HAVCR1: variants seen among roughly 807,000 people sequenced by gnomAD.
HAVCR1 encodes the protein hepatitis A virus cellular receptor 1, also known as T cell immunoglobin domain and mucin domain protein 1.
A neutral mutation model predicts 32.0 loss-of-function variants in HAVCR1; 34 were observed. The observed-to-expected ratio is 1.06, with a 90% confidence interval of 0.81 to 1.42. HAVCR1 has a LOEUF of 1.42. Ranked by LOEUF, HAVCR1 falls within the 40% of genes most tolerant of loss-of-function variation. The pLI, the probability that HAVCR1 is intolerant of heterozygous loss-of-function variation, is 0.00. For synonymous variants in HAVCR1, 178 were observed against 170.3 expected (o/e 1.05, Z -0.35); for missense variants, 420 against 442.3 (o/e 0.95, Z 0.45).
chr5:157,056,386 T>C (rs1482764928), intron 2 of HAVCR1, among the ~76,000 whole-genome samples: 1 of 23,166 alleles, frequency 4.3e-5, no homozygotes, highest in Non-Finnish European at 1.2e-4. Flanking sequence ...GAATTTCTTC[T>C]TTTTTTTTTT....
chr5:157,065,246 G>A, the HAVCR1 span, among the ~76,000 whole-genome samples: 1,297 of 152,242 alleles, frequency 8.5e-3, 13 homozygotes, highest in African/African-American at 0.028. Flanking sequence ...GTGAACCTGG[G>A]AGGCGGAGCT....
chr5:157,033,837 C>T (rs556820785), intron 7 of HAVCR1, among the ~76,000 whole-genome samples: 67 of 152,260 alleles, frequency 4.4e-4, no homozygotes, highest in African/African-American at 9.1e-4. Context: ...CAGAGGCAGG[C>T]GGTCAGGAGT....
intron 5 of HAVCR1, among the ~76,000 whole-genome samples, chr5:157,047,950 T>C (rs1163769882): frequency 1.3e-5 from 2 of 152,234 alleles, no homozygotes; most frequent in East Asian, 3.9e-4. Context: ...AAGAACTGAA[T>C]TAAAGACACA....
In HAVCR1 at chr5:157,055,219, A is replaced by C; in HGVS notation, c.361T>G (p.Ser121Ala). 1.3e-6 allele frequency: 2 copies of C among 1,550,992 alleles called. No individual in the cohort carries two copies. Among genetic ancestry groups the C allele is most frequent in the Non-Finnish European group, 8.8e-7 (1 of 1,132,508 alleles). The change falls in exon 3 of 9, where the codon TCA becomes GCA. Residue 121 changes from serine to alanine, a missense_variant. By Grantham distance (99) the Ser-to-Ala change is moderately conservative. Coordinates refer to ENST00000523175, the MANE Select transcript of HAVCR1 (RefSeq NM_001173393.3). ...GWFNDMKITVSLEIVPPKVTT... is the reference protein window; with the variant it reads ...GWFNDMKITVALEIVPPKVTT... ...AACTTACGTGGCACAATCTCCAATGATACGGTGATTTTCATGTCATTGAAC... is the reference window on the plus strand; with the variant it reads ...AACTTACGTGGCACAATCTCCAATGCTACGGTGATTTTCATGTCATTGAAC...
the HAVCR1 span, among the ~76,000 whole-genome samples, chr5:157,067,994 A>C: frequency 6.6e-6 from 1 of 151,972 alleles, no homozygotes; most frequent in Non-Finnish European, 1.5e-5. Context: ...ACCCGTTCTC[A>C]AAACAAAACA....
In HAVCR1 at chr5:157,044,676, A is replaced by AGAAAGGGAGGGAG. The variant is rs142603344; in HGVS notation, c.782-1995_782-1994insCTCCCTCCCTTTC. ...AAGAAAGAAAGAAAGAAAGAAAGAA[A>AGAAAGGGAGGGAG]GGAGGGAGGGAGGAAGGAAGGAAGG... is the stretch of plus-strand genomic sequence containing the variant. On this transcript the variant is annotated intron_variant, in intron 5 of 8. Coordinates refer to ENST00000523175, the MANE Select transcript of HAVCR1 (RefSeq NM_001173393.3). Among the ~76,000 whole-genome samples, 2 of 109,454 alleles carry AGAAAGGGAGGGAG rather than the reference A, an allele frequency of 1.8e-5. 1 individual carries two copies. Among genetic ancestry groups the AGAAAGGGAGGGAG allele is most frequent in the East Asian group, 7.0e-4 (2 of 2,842 alleles). The allele number at this position is 109,454 out of a possible 152,430, so 71.8% of individuals were successfully genotyped here. A position where few individuals can be genotyped will look rare whatever the true frequency, so the allele number is the denominator to read the frequency against.
At chr5:157,046,384 A>G (rs1158430057) in intron 5 of HAVCR1, among the ~76,000 whole-genome samples, 1 of 152,222 alleles carries the variant, frequency 6.6e-6, no homozygotes, top group Non-Finnish European at 1.5e-5. Flanking sequence ...GGGAAAGATG[A>G]CAGGTTTCAG....
At chr5:157,033,329 G>C (rs1330300289) in intron 7 of HAVCR1, among the ~76,000 whole-genome samples, 2 of 152,002 alleles carry the variant, frequency 1.3e-5, no homozygotes, top group African/African-American at 4.8e-5. Flanking sequence ...TCCTAAACAA[G>C]GAAATAATGA....
the HAVCR1 span, among the ~76,000 whole-genome samples, chr5:157,064,815 C>G: frequency 6.6e-6 from 1 of 152,002 alleles, no homozygotes; most frequent in African/African-American, 2.4e-5. Flanking sequence ...TTGGAGTGAG[C>G]CAAGATCGTG....
chr5:157,041,000 G>T (rs886937338), intron 6 of HAVCR1, among the ~76,000 whole-genome samples: 1 of 152,094 alleles, frequency 6.6e-6, no homozygotes, highest in Non-Finnish European at 1.5e-5. Flanking sequence ...AAAGTTACTT[G>T]CACATACTAA....
chr5:157,034,057 G>T (rs1401945005), intron 7 of HAVCR1, among the ~76,000 whole-genome samples: 2 of 152,172 alleles, frequency 1.3e-5, no homozygotes, highest in Non-Finnish European at 2.9e-5. Context: ...TGGGACAAGA[G>T]ACTGAGAAAA....
intron 7 of HAVCR1, among the ~76,000 whole-genome samples, chr5:157,034,446 G>GT (rs1200858263): frequency 1.3e-5 from 2 of 151,788 alleles, no homozygotes; most frequent in African/African-American, 4.8e-5. Flanking sequence ...TAAATAGAAT[G>GT]TATGATCGGG....
chr5:157,044,058 A>G (rs6878069), intron 5 of HAVCR1, among the ~76,000 whole-genome samples: 75,225 of 151,946 alleles, frequency 0.5, 18,883 homozygotes, highest in Middle Eastern at 0.67. Flanking sequence ...AAGGCCAGGC[A>G]CAGTGGCTCA....
In HAVCR1 at chr5:157,052,415, T is replaced by C. The variant is rs12522248; in HGVS notation, c.619A>G (p.Thr207Ala). The change falls in exon 4 of 9, where the codon ACT (threonine) becomes GCT (alanine). Residue 207 changes from threonine to alanine, a missense_variant. By Grantham distance (58) the Thr-to-Ala change is moderately conservative (BLOSUM62 0). Transcript: ENST00000523175. Reference sequence around the variant, plus strand: ...ATTGGAGGAACAAAGGTAGAGACAGTTGTTGTCACTGGAACACTTGTTGTT... The same window carrying C: ...ATTGGAGGAACAAAGGTAGAGACAGCTGTTGTCACTGGAACACTTGTTGTT... ...PTTTSVPVTT[T>A]VSTFVPPMPL... 454,210 of 1,610,364 alleles carry C rather than the reference T, an allele frequency of 0.28. 66,117 individuals carry two copies. Among genetic ancestry groups the C allele is most frequent in the Admixed American group, 0.4 (24,137 of 59,728 alleles).
At chr5:157,044,421 G>GA (rs1554090350) in intron 5 of HAVCR1, among the ~76,000 whole-genome samples, 10 of 33,764 alleles carry the variant, frequency 3.0e-4, no homozygotes, top group Admixed American at 8.6e-4. Flanking sequence ...AGGAAGGAAG[G>GA]AGAAAGAAAG....
chr5:157,048,408 G>A (rs1755534790), intron 5 of HAVCR1, among the ~76,000 whole-genome samples: 1 of 152,174 alleles, frequency 6.6e-6, no homozygotes, highest in Non-Finnish European at 1.5e-5. Context: ...GATTCTTGAT[G>A]TTCTAAGGAA....
intron 5 of HAVCR1, among the ~76,000 whole-genome samples, chr5:157,044,615 G>A (rs62382454): frequency 0.019 from 995 of 52,422 alleles, 56 homozygotes; most frequent in East Asian, 0.043. Flanking sequence ...AAGAAAGAAA[G>A]AGAAAGAAAG....
chr5:157,068,643 CT>C, the HAVCR1 span, among the ~76,000 whole-genome samples: 47 of 129,758 alleles, frequency 3.6e-4, no homozygotes, highest in East Asian at 0.011. Context: ...TTTATATGGG[CT>C]TTTTTTTTAC....
At chr5:157,036,425 G>A (rs1327189715) in intron 7 of HAVCR1, among the ~76,000 whole-genome samples, 1 of 152,214 alleles carries the variant, frequency 6.6e-6, no homozygotes, top group Non-Finnish European at 1.5e-5. Flanking sequence ...GTTGCAGTGA[G>A]CCACGATCGT....
Sources: allele counts gnomAD v4.1 joint callset (sites outside exome capture counted in the v4.1 genomes callset), GRCh38; gene constraint gnomAD v4.1.1; transcripts MANE v1.5; gene names NCBI Gene and HGNC (gene_info 2026-07-23, HGNC 2026-07-21).